CCDC126: variants seen among roughly 807,000 people sequenced by gnomAD.
CCDC126 encodes the protein coiled-coil domain containing 126.
A neutral mutation model predicts 11.7 loss-of-function variants in CCDC126; 5 were observed. That is an observed-to-expected ratio of 0.43 (90% CI 0.22 to 0.90). CCDC126 has a LOEUF of 0.90. Among genes scored for constraint, CCDC126 ranks in the 40% least tolerant of loss-of-function variants. CCDC126 has a pLI of 0.27. For synonymous variants in CCDC126, 60 were observed against 61.9 expected, an observed-to-expected ratio of 0.97 and a Z score of 0.14; for missense variants, 150 against 163.1, an observed-to-expected ratio of 0.92 and a Z score of 0.44.
intron 3 of CCDC126, among the ~76,000 whole-genome samples, chr7:23,623,016 C>T (rs1782947680): frequency 6.8e-6 from 1 of 146,690 alleles, no homozygotes; most frequent in Admixed American, 7.0e-5. Flanking sequence ...TCTTGTTGCC[C>T]AGGCTGGAGT....
intron 2 of CCDC126, among the ~76,000 whole-genome samples, chr7:23,605,299 T>C (rs1370749148): frequency 6.6e-6 from 1 of 152,098 alleles, no homozygotes; most frequent in Non-Finnish European, 1.5e-5. Context: ...GTAGGGCTTG[T>C]GGATTGCATG....
At chr7:23,620,245 T>G (rs1782868740) in intron 3 of CCDC126, among the ~76,000 whole-genome samples, 2 of 152,188 alleles carry the variant, frequency 1.3e-5, no homozygotes, top group African/African-American at 2.4e-5. Flanking sequence ...CAGCACCTGT[T>G]GTTTCCTGAC....
rs1158102202 is a variant in CCDC126, at chr7:23,644,255, A to G, written c.*1140A>G. On this transcript the variant is annotated 3_prime_UTR_variant, in exon 4 of 4. Transcript: ENST00000307471. Reference sequence around the variant, plus strand: ...ACTATCTTTTCAGGAAAAAAGCTGTATATAGCACAGGGAACCCTAATCTTG... The same window carrying G: ...ACTATCTTTTCAGGAAAAAAGCTGTGTATAGCACAGGGAACCCTAATCTTG... The G allele has an allele frequency of 6.6e-6, 1 of 152,506 alleles. No individual in the cohort carries two copies. The highest frequency in any genetic ancestry group is 6.5e-5 in the Admixed American group (1 of 15,278). The allele number at this position is 152,506 out of a possible 1,614,324, so 9.4% of individuals were successfully genotyped here. A position where few individuals can be genotyped will look rare whatever the true frequency, so the allele number is the denominator to read the frequency against.
chr7:23,602,252 T>C (rs760003749), intron 2 of CCDC126: 2 of 152,240 alleles, frequency 1.3e-5, no homozygotes, highest in African/African-American at 4.8e-5. Flanking sequence ...TTGTGTTTCT[T>C]AACAGGGAAT....
intron 2 of CCDC126, chr7:23,601,812 T>C (rs936980072): frequency 1.3e-5 from 2 of 152,136 alleles, no homozygotes; most frequent in African/African-American, 4.8e-5. Flanking sequence ...CCCTCCAGAG[T>C]AGCTGGGACT....
intron 3 of CCDC126, among the ~76,000 whole-genome samples, chr7:23,626,137 T>C (rs987744996): frequency 1.3e-5 from 2 of 151,876 alleles, no homozygotes; most frequent in Non-Finnish European, 2.9e-5. Context: ...TAATGTATTA[T>C]GCTTTTTGTT....
At chr7:23,620,072 T>C (rs1296445424) in intron 3 of CCDC126, among the ~76,000 whole-genome samples, 1 of 152,188 alleles carries the variant, frequency 6.6e-6, no homozygotes, top group African/African-American at 2.4e-5. Flanking sequence ...AGCAGCATGA[T>C]TTATAATCCT....
chr7:23,630,520 A>G (rs1783091721), intron 3 of CCDC126, among the ~76,000 whole-genome samples: 1 of 151,422 alleles, frequency 6.6e-6, no homozygotes, highest in Non-Finnish European at 1.5e-5. Flanking sequence ...TCAATCATCC[A>G]TGAAGGCTGG....
rs573569167 is a variant in CCDC126 at position 23,625,536 on chromosome 7, G to T, written c.238+13983G>T. On this transcript the variant is annotated intron_variant, in intron 3 of 3. Transcript: ENST00000307471. ...TATTTGCTTTCAGGGGAGGTTAAAA[G>T]ATTTTTTTAAATGTTTGTTGGCTGT... is the stretch of plus-strand genomic sequence containing the variant. Among the ~76,000 whole-genome samples, 7 of 151,610 alleles carry T rather than the reference G, an allele frequency of 4.6e-5. No homozygotes were observed. The East Asian group carries it at 1.2e-3, about 25-fold the overall frequency.
intron 3 of CCDC126, among the ~76,000 whole-genome samples, chr7:23,638,398 G>C (rs1301201591): frequency 1.2e-5 from 1 of 86,714 alleles, no homozygotes; most frequent in Non-Finnish European, 2.3e-5. Context: ...TTGGGATCCT[G>C]TTGATCTGTG....
chr7:23,620,405 C>T (rs1244390544), intron 3 of CCDC126, among the ~76,000 whole-genome samples: 1 of 152,232 alleles, frequency 6.6e-6, no homozygotes, highest in East Asian at 1.9e-4. Flanking sequence ...TGTTCATATC[C>T]TTCACCCACT....
chr7:23,626,603 C>G (rs2128019390), intron 3 of CCDC126, among the ~76,000 whole-genome samples: 1 of 152,114 alleles, frequency 6.6e-6, no homozygotes, highest in Non-Finnish European at 1.5e-5. Flanking sequence ...ATTATATCAT[C>G]CAGGTACTGA....
chr7:23,603,847 G>A (rs1185926273), intron 2 of CCDC126, among the ~76,000 whole-genome samples: 1 of 152,148 alleles, frequency 6.6e-6, no homozygotes, highest in Admixed American at 6.6e-5. Flanking sequence ...AGGCTCTGTG[G>A]GGGATGTGGC....
At chr7:23,606,763 A>ATT (rs1373740776) in intron 2 of CCDC126, among the ~76,000 whole-genome samples, 5 of 152,152 alleles carry the variant, frequency 3.3e-5, no homozygotes, top group Admixed American at 2.0e-4. Flanking sequence ...AATGATGATG[A>ATT]TTATTTTATT....
At chr7:23,616,061 A>G (rs749672809) in intron 3 of CCDC126, among the ~76,000 whole-genome samples, 2 of 152,206 alleles carry the variant, frequency 1.3e-5, no homozygotes, top group Admixed American at 6.5e-5. Flanking sequence ...CAATAAAACA[A>G]TGTATTCCTC....
intron 3 of CCDC126, among the ~76,000 whole-genome samples, chr7:23,621,295 A>G (rs1468784270): frequency 1.3e-5 from 2 of 152,072 alleles, no homozygotes; most frequent in African/African-American, 4.8e-5. Flanking sequence ...GGTCCTTCAC[A>G]TCCCTTGTAA....
At chr7:23,641,964 C>T (rs1783366064) in intron 3 of CCDC126, among the ~76,000 whole-genome samples, 1 of 152,180 alleles carries the variant, frequency 6.6e-6, no homozygotes, top group African/African-American at 2.4e-5. Flanking sequence ...ATTTCATGGA[C>T]TCTCTTTCTT....
intron 3 of CCDC126, among the ~76,000 whole-genome samples, chr7:23,633,835 G>A (rs7804448): frequency 0.42 from 63,820 of 151,812 alleles, 15,030 homozygotes; most frequent in South Asian, 0.63. Flanking sequence ...CCTGGGCAGG[G>A]ACAGAGTGAG....
chr7:23,630,954 G>A lies in CCDC126; in HGVS notation c.239-11977G>A, dbSNP rs1001384849. 2.0e-5 allele frequency among the ~76,000 whole-genome samples: 3 copies of A among 151,892 alleles called. No homozygotes were observed. The East Asian group carries it at 5.8e-4, about 29-fold the overall frequency. On this transcript the variant is annotated intron_variant, in intron 3 of 3. Transcript: ENST00000307471. ...TCAAAGAGGAAATCTCAAGGGAAAT[G>A]AATACAAATGAAAATGCAACATAAA...
Sources: gnomAD v4.1 joint callset for allele counts (sites outside exome capture counted in the v4.1 genomes callset) on GRCh38, gnomAD v4.1.1 for gene constraint, MANE v1.5 for transcripts, NCBI Gene and HGNC (gene_info 2026-07-23, HGNC 2026-07-21) for gene names.